ZBTB4: variants seen among roughly 807,000 people sequenced by gnomAD.
The protein encoded by ZBTB4 is zinc finger and BTB domain-containing protein 4.
A neutral mutation model predicts 59.8 loss-of-function variants in ZBTB4; 14 were observed. The observed-to-expected ratio is 0.23, with a 90% CI of 0.15 to 0.37. The LOEUF is 0.37. Ranked by LOEUF, ZBTB4 falls within the 10% of genes least tolerant of loss-of-function variation. ZBTB4 has a pLI of 1.00. For synonymous variants in ZBTB4, 587 were observed against 575.2 expected, an observed-to-expected ratio of 1.02 and a Z score of -0.29; for missense variants, 1,198 against 1,380.8, an observed-to-expected ratio of 0.87 and a Z score of 2.10.
chr17:7,463,688 G>C lies in ZBTB4; in HGVS notation c.1294C>G (p.Gln432Glu). 6.2e-7 allele frequency: 1 copy of C among 1,613,878 alleles called. No individual in the cohort carries two copies. The highest frequency in any genetic ancestry group is 8.5e-7 in the Non-Finnish European group (1 of 1,179,942). ...AAKRPYKTYSQGAPEAPLSPT... is the reference protein window; with the variant it reads ...AAKRPYKTYSEGAPEAPLSPT... ...GAAAGGGGAGCCTCCGGGGCTCCCT[G>C]GCTGTAGGTCTTGTAGGGCCGCTTG... The change falls in exon 4 of 4, where the codon CAG becomes GAG. Residue 432 changes from glutamine to glutamate, a missense_variant. Gln to Glu is a conservative substitution (Grantham distance 29). Around this residue, in one of 9 missense-constraint regions of ZBTB4, gnomAD observed 60 missense variants for 93.0 expected, o/e 0.64. Coordinates refer to ENST00000380599, the MANE Select transcript of ZBTB4 (RefSeq NM_001128833.2).
At position 7,463,044 on chromosome 17, in the gene ZBTB4, CTCT is replaced by C. The variant is rs560737493; in HGVS notation, c.1935_1937del (p.Glu650del). 306 of 1,608,984 alleles carry C rather than the reference CTCT, an allele frequency of 1.9e-4. 1 individual carries two copies. The African/African-American group carries it at 2.5e-3, about 13-fold the overall frequency. On this transcript the variant is annotated inframe_deletion, in exon 4 of 4. Transcript: ENST00000380599. The stretch of plus-strand genomic sequence containing the variant: ...ATTCCTCCTCATCCTCCTCCTCCTC[CTCT>C]TCGTCCTCCTCCTCTTCGTCCTCCT...
In ZBTB4 at chr17:7,466,497, G is replaced by C; in HGVS notation, c.305C>G (p.Ser102Cys). 1 of 1,609,426 alleles carries C rather than the reference G, an allele frequency of 6.2e-7. No homozygotes were observed. Among genetic ancestry groups the C allele is most frequent in the African/African-American group, 1.3e-5 (1 of 75,030 alleles). The change falls in exon 3 of 4, where the codon TCT becomes TGT. Residue 102 changes from serine (S) to cysteine (C), a missense_variant. Ser to Cys is a moderately radical substitution (Grantham distance 112). Coordinates refer to ENST00000380599, the MANE Select transcript of ZBTB4 (RefSeq NM_001128833.2). The surrounding 1 kb of genome is among the most constrained non-coding windows in gnomAD (Gnocchi z 9.1). ...GGAAGAGGAAGAGGAAGAAGAAGAA[G>C]AAGCAGAGGAGGAAGAAGAGGAAGA... ...SSSSSSSSSA[S>C]SSSSSSSSSP...
In ZBTB4 at chr17:7,462,891, A is replaced by G. The variant is rs766584876; in HGVS notation, c.2091T>C (p.Arg697=). The change falls in exon 4 of 4, where the codon CGT becomes CGC. Residue 697 remains arginine, a synonymous_variant. Transcript: ENST00000380599. This position sits in a 1 kb window ranked among gnomAD's most constrained non-coding sequence, Gnocchi z 7.5. ...TCCTCCGTTCCAGCTTCTGCCTCCA[A>G]CGTGGTGGCCGGCGGCCTCGGGGCA... ...SGLPRGRRPP[R]WRQKLERRSW... 6.2e-7 allele frequency: 1 copy of G among 1,607,990 alleles called. No individual in the cohort carries two copies. The highest frequency in any genetic ancestry group is 8.5e-7 in the Non-Finnish European group (1 of 1,179,818).
At position 7,466,535 on chromosome 17, in the gene ZBTB4, G is replaced by A. The variant is rs752042259; in HGVS notation, c.267C>T (p.Ser89=). ...AAGAAGAGGAAGAAGACGAGGAAGA[G>A]GAGGAGGAGGAAGAGGCAGCTGTGG... ...ATTTAASSSS[S]SSSSSSSSSS... is the part of the protein sequence containing the mutation. The change falls in exon 3 of 4, where the codon TCC becomes TCT. Residue 89 remains serine (S), a synonymous_variant. Transcript: ENST00000380599. The surrounding 1 kb of genome is among the most constrained non-coding windows in gnomAD (Gnocchi z 9.1). The A allele has an allele frequency of 6.2e-7, 1 of 1,609,092 alleles. No homozygotes were observed. Among genetic ancestry groups the A allele is most frequent in the Admixed American group, 1.7e-5 (1 of 59,336 alleles).
Position 7,462,546 on chromosome 17 carries a change from C to T in ZBTB4, c.2436G>A (p.Gly812=). ...YSKGSAGTRP[G]DVKEEAPQEM... is the part of the protein sequence containing the mutation. ...CTTGGGGGGCTTCCTCCTTGACATC[C>T]CCGGGCCTGGTGCCAGCGCTGCCCT... The change falls in exon 4 of 4, where the codon GGG becomes GGA. Residue 812 remains glycine, a synonymous_variant. Transcript: ENST00000380599. This position sits in a 1 kb window ranked among gnomAD's most constrained non-coding sequence, Gnocchi z 7.5. 1.2e-6 allele frequency: 2 copies of T among 1,613,920 alleles called. No individual in the cohort carries two copies. The highest frequency in any genetic ancestry group is 2.2e-5 in the East Asian group (1 of 44,880).
At position 7,462,775 on chromosome 17, in the gene ZBTB4, G is replaced by A. The variant is rs766150949; in HGVS notation, c.2207C>T (p.Thr736Ile). 1.2e-6 allele frequency: 2 copies of A among 1,602,550 alleles called. No homozygotes were observed. The highest frequency in any genetic ancestry group is 1.7e-6 in the Non-Finnish European group (2 of 1,179,836). ...HRCGDCAQTF[T>I]TLRKLRKHQE... ...GTGCTTCCGCAGCTTTCTCAGGGTG[G>A]TGAAGGTCTGGGCACAGTCCCCGCA... Residue 736 changes from threonine to isoleucine, a missense_variant, in exon 4 of 4, where the codon ACC becomes ATC. Physicochemically the swap from Thr to Ile is moderately conservative, Grantham distance 89. Around this residue, in one of 9 missense-constraint regions of ZBTB4, gnomAD observed 550 missense variants for 541.8 expected, o/e 1.02. Coordinates refer to ENST00000380599, the MANE Select transcript of ZBTB4 (RefSeq NM_001128833.2). The surrounding 1 kb of genome is among the most constrained non-coding windows in gnomAD (Gnocchi z 7.5).
In ZBTB4 at chr17:7,462,667, T is replaced by C. The variant is rs775849977; in HGVS notation, c.2315A>G (p.Lys772Arg). ...CAGGGCAGCTGCGGTCTTGCACACC[T>C]TGGCGCAGTGGGGGCAGGTAAAGCG... ...STRFTCPHCA[K>R]VCKTAAALSR... Residue 772 changes from lysine (K) to arginine (R), a missense_variant, in exon 4 of 4, where the codon AAG becomes AGG. Coordinates refer to ENST00000380599, the MANE Select transcript of ZBTB4 (RefSeq NM_001128833.2). The surrounding 1 kb of genome is among the most constrained non-coding windows in gnomAD (Gnocchi z 7.5). 9.3e-6 allele frequency: 15 copies of C among 1,607,804 alleles called. No homozygotes were observed. The South Asian group carries it at 1.5e-4, about 17-fold the overall frequency.
rs777813358 is a variant in ZBTB4 at position 7,466,840 on chromosome 17, G to A, written c.-9-30C>T. On this transcript the variant is annotated intron_variant, in intron 2 of 3. Transcript: ENST00000380599. The surrounding 1 kb of genome is among the most constrained non-coding windows in gnomAD (Gnocchi z 9.1). ...ACAGTGGGAGAAGAGGCCGGGTAGA[G>A]TCTCAGAGGCTGGGCAGAGGGCAGG... 30 of 1,493,928 alleles carry A rather than the reference G, an allele frequency of 2.0e-5. No individual in the cohort carries two copies. In the African/African-American group the frequency reaches 4.2e-4, roughly 21 times the overall value. The allele number at this position is 1,493,928 out of a possible 1,614,324, so 92.5% of individuals were successfully genotyped here. A position where few individuals can be genotyped will look rare whatever the true frequency, so the allele number is the denominator to read the frequency against.
chr17:7,462,231 G>C lies in ZBTB4; in HGVS notation c.2751C>G (p.Phe917Leu), dbSNP rs2070031639. Residue 917 changes from phenylalanine (F) to leucine (L), a missense_variant, in exon 4 of 4, where the codon TTC becomes TTG. Around this residue, in one of 9 missense-constraint regions of ZBTB4, gnomAD observed 211 missense variants for 236.1 expected, o/e 0.89. Transcript: ENST00000380599. This position sits in a 1 kb window ranked among gnomAD's most constrained non-coding sequence, Gnocchi z 7.5. ...AGACGAGCGGGTAGGGCTCAGGGTAGAAAGTGACTTTGGCAGCCCCTATCC... is the reference window on the plus strand; with the variant it reads ...AGACGAGCGGGTAGGGCTCAGGGTACAAAGTGACTTTGGCAGCCCCTATCC... Reference protein sequence around the residue: ...MEGIGAAKVTFYPEPYPLVYG... With the variant: ...MEGIGAAKVTLYPEPYPLVYG... The C allele has an allele frequency of 6.2e-7, 1 of 1,613,686 alleles. No individual in the cohort carries two copies. The highest frequency in any genetic ancestry group is 8.5e-7 in the Non-Finnish European group (1 of 1,179,870).
rs1264113707 is a variant in ZBTB4 at position 7,462,638 on chromosome 17, G to A, written c.2344C>T (p.Arg782Cys). Residue 782 changes from arginine to cysteine, a missense_variant, in exon 4 of 4, where the codon CGC (arginine) becomes TGC (cysteine). By Grantham distance (180) the Arg-to-Cys change is radical. Transcript: ENST00000380599. The surrounding 1 kb of genome is among the most constrained non-coding windows in gnomAD (Gnocchi z 7.5). ...TCAGCAGCATGCCTCTGCCCGTGGC[G>A]GCTCAGGGCAGCTGCGGTCTTGCAC... The part of the protein sequence containing the change: ...KVCKTAAALS[R>C]HGQRHAAERP... 1.2e-6 allele frequency: 2 copies of A among 1,608,190 alleles called. No homozygotes were observed. The highest frequency in any genetic ancestry group is 1.3e-5 in the African/African-American group (1 of 74,846).
intron 1 of ZBTB4, among the ~76,000 whole-genome samples, chr17:7,477,122 G>A (rs184100267): frequency 1.3e-5 from 2 of 152,184 alleles, no homozygotes; most frequent in African/African-American, 4.8e-5. Context: ...GCTGGTGCAC[G>A]GTCAGTGCTA....
intron 3 of ZBTB4, among the ~76,000 whole-genome samples, chr17:7,464,359 G>A (rs558320805): frequency 9.8e-4 from 56 of 57,420 alleles, no homozygotes; most frequent in African/African-American, 2.2e-3. Context: ...CCCTGGAGGT[G>A]AGGTTGCAGT....
At position 7,463,684 on chromosome 17, in the gene ZBTB4, C is replaced by T; in HGVS notation, c.1298G>A (p.Gly433Glu). ...AKRPYKTYSQ[G>E]APEAPLSPTL... ...TGGAGAAAGGGGAGCCTCCGGGGCT[C>T]CCTGGCTGTAGGTCTTGTAGGGCCG... Residue 433 changes from glycine (G) to glutamate (E), a missense_variant, in exon 4 of 4, where the codon GGA becomes GAA. By Grantham distance (98) the Gly-to-Glu change is moderately conservative (BLOSUM62 -2). Transcript: ENST00000380599. 2 of 1,613,818 alleles carry T rather than the reference C, an allele frequency of 1.2e-6. No individual in the cohort carries two copies. Among genetic ancestry groups the T allele is most frequent in the Non-Finnish European group, 1.7e-6 (2 of 1,179,916 alleles).
At position 7,466,897 on chromosome 17, in the gene ZBTB4, G is replaced by A. The variant is rs1311006045; in HGVS notation, c.-9-87C>T. On this transcript the variant is annotated intron_variant, in intron 2 of 3. Coordinates refer to ENST00000380599, the MANE Select transcript of ZBTB4 (RefSeq NM_001128833.2). This position sits in a 1 kb window ranked among gnomAD's most constrained non-coding sequence, Gnocchi z 9.1. Reference sequence around the variant, plus strand: ...TAAAATCAGGCAGAGAGAGGATCAGGAGCTGCTGGTCAGAAACTAGTGGAA... The same window carrying A: ...TAAAATCAGGCAGAGAGAGGATCAGAAGCTGCTGGTCAGAAACTAGTGGAA... 7 of 1,436,584 alleles carry A rather than the reference G, an allele frequency of 4.9e-6. No homozygotes were observed. The highest frequency in any genetic ancestry group is 5.7e-5 in the Admixed American group (2 of 35,224). The allele number at this position is 1,436,584 out of a possible 1,614,324, so 89.0% of individuals were successfully genotyped here. A position where few individuals can be genotyped will look rare whatever the true frequency, so the allele number is the denominator to read the frequency against.
At position 7,462,633 on chromosome 17, in the gene ZBTB4, G is replaced by A. The variant is rs370529103; in HGVS notation, c.2349C>T (p.His783=). The A allele has an allele frequency of 1.1e-4, 174 of 1,608,394 alleles. 2 individuals carry two copies. The South Asian group carries it at 1.3e-3, about 12-fold the overall frequency. Reference sequence around the variant, plus strand: ...GCCGCTCAGCAGCATGCCTCTGCCCGTGGCGGCTCAGGGCAGCTGCGGTCT... The same window carrying A: ...GCCGCTCAGCAGCATGCCTCTGCCCATGGCGGCTCAGGGCAGCTGCGGTCT... ...VCKTAAALSR[H]GQRHAAERPG... Residue 783 remains histidine (H), a synonymous_variant, in exon 4 of 4, where the codon CAC becomes CAT. Coordinates refer to ENST00000380599, the MANE Select transcript of ZBTB4 (RefSeq NM_001128833.2). This position sits in a 1 kb window ranked among gnomAD's most constrained non-coding sequence, Gnocchi z 7.5.
At position 7,478,083 on chromosome 17, in the gene ZBTB4, C is replaced by A. The variant is rs141914127; in HGVS notation, c.-81+1373G>T. Among the ~76,000 whole-genome samples, 361 of 152,256 alleles carry A rather than the reference C, an allele frequency of 2.4e-3. 2 individuals carry two copies. Among genetic ancestry groups the A allele is most frequent in the African/African-American group, 8.4e-3 (348 of 41,542 alleles). ...ACGGCAGGCACGCACACACAGCCTG[C>A]TTGCGGCTGGCCTCTTGGGTCTGAG... On this transcript the variant is annotated intron_variant, in intron 1 of 3. Transcript: ENST00000380599.
chr17:7,481,571 C>T (rs2070345926), upstream of ZBTB4: 3 of 1,340,590 alleles, frequency 2.2e-6, no homozygotes, highest in East Asian at 7.7e-5. Flanking sequence ...CTCCTGGTTG[C>T]TCCATTTCCC....
chr17:7,482,796 G>C (rs1381140653), upstream of ZBTB4: 1 of 1,612,068 alleles, frequency 6.2e-7, no homozygotes, highest in Non-Finnish European at 8.5e-7. Context: ...ACATGTGTGA[G>C]CTATGCGGTC....
Position 7,465,691 on chromosome 17 carries a change from C to T in ZBTB4, c.1091+20G>A, listed in dbSNP as rs200433979. On this transcript the variant is annotated intron_variant, in intron 3 of 3. Transcript: ENST00000380599. ...GAGTGCCAGCCTCCAGCCGCTCCCC[C>T]GCCAGCCTGGATCACTCACCTGCGC... is the stretch of plus-strand genomic sequence containing the variant. 1.8e-5 allele frequency: 28 copies of T among 1,573,440 alleles called. No individual in the cohort carries two copies. The highest frequency in any genetic ancestry group is 9.0e-5 in the East Asian group (4 of 44,342).
Sources: allele counts gnomAD v4.1 joint callset (sites outside exome capture counted in the v4.1 genomes callset), GRCh38; gene constraint gnomAD v4.1.1; regional missense constraint gnomAD v4.1.1; non-coding constraint Gnocchi (gnomAD v3.1); transcripts MANE v1.5; gene names NCBI Gene and HGNC (gene_info 2026-07-23, HGNC 2026-07-21).